LYN: variants seen among roughly 807,000 people sequenced by gnomAD.
LYN encodes the protein tyrosine-protein kinase Lyn.
A neutral mutation model predicts 65.0 loss-of-function variants in LYN; 12 were observed. The ratio of observed to expected loss-of-function variants is 0.18; its 90% confidence interval spans 0.12 to 0.30. The LOEUF (loss-of-function observed/expected upper bound fraction) is 0.30. Ranked by LOEUF, LYN falls within the 10% of genes least tolerant of loss-of-function variation. LYN has a pLI of 1.00. For missense variants in LYN, 380 were observed against 623.2 expected, an observed-to-expected ratio of 0.61 and a Z score of 4.16; for synonymous variants, 222 against 221.2, an observed-to-expected ratio of 1.00 and a Z score of -0.03.
At chr8:55,988,295 T>C (rs1344324156) in intron 10 of LYN, among the ~76,000 whole-genome samples, 1 of 147,096 alleles carries the variant, frequency 6.8e-6, no homozygotes, top group East Asian at 2.0e-4. Context: ...CTCCCTGGTG[T>C]GTGTGTGTGT....
At chr8:55,889,251 C>T (rs536494931) in intron 1 of LYN, among the ~76,000 whole-genome samples, 1 of 152,200 alleles carries the variant, frequency 6.6e-6, no homozygotes, top group African/African-American at 2.4e-5. Context: ...CAGGCTGTAA[C>T]CCCAGGCAGG....
intron 8 of LYN, among the ~76,000 whole-genome samples, chr8:55,959,440 A>G (rs1189840930): frequency 6.6e-6 from 1 of 152,214 alleles, no homozygotes; most frequent in African/African-American, 2.4e-5. Flanking sequence ...ATAACAATTG[A>G]AAGAAATTGT....
chr8:55,896,972 T>G (rs1805126282), intron 1 of LYN, among the ~76,000 whole-genome samples: 1 of 152,198 alleles, frequency 6.6e-6, no homozygotes, highest in Admixed American at 6.5e-5. Context: ...ACTCCTGACC[T>G]TAGGTGATCC....
intron 1 of LYN, among the ~76,000 whole-genome samples, chr8:55,888,905 C>G (rs1248206877): frequency 6.6e-6 from 1 of 152,132 alleles, no homozygotes; most frequent in African/African-American, 2.4e-5. Flanking sequence ...AATGCGGCAC[C>G]ATAGCAGTTG....
intron 2 of LYN, among the ~76,000 whole-genome samples, chr8:55,942,333 A>ATATATATATGTG (rs751243342): frequency 1.4e-3 from 181 of 127,396 alleles, no homozygotes; most frequent in Admixed American, 2.4e-3. Flanking sequence ...ATATATGTGT[A>ATATATATATGTG]TATATATATG....
chr8:55,933,104 A>G (rs1202187932), intron 1 of LYN, among the ~76,000 whole-genome samples: 1 of 152,202 alleles, frequency 6.6e-6, no homozygotes, highest in African/African-American at 2.4e-5. Flanking sequence ...GTATTCCTGA[A>G]CCTAAAATAA....
intron 1 of LYN, among the ~76,000 whole-genome samples, chr8:55,907,360 A>G (rs75501935): frequency 1.9e-3 from 287 of 152,322 alleles, no homozygotes; most frequent in African/African-American, 6.4e-3. Context: ...AATAAGTCAA[A>G]CAGATAAGAA....
chr8:55,952,977 G>A (rs559300487), intron 7 of LYN, among the ~76,000 whole-genome samples: 29 of 152,218 alleles, frequency 1.9e-4, no homozygotes, highest in East Asian at 5.8e-4. Context: ...TTGTTGCCCC[G>A]GCTCCTTTCT....
At chr8:55,948,557 G>T (rs1285506825) in intron 4 of LYN, among the ~76,000 whole-genome samples, 2 of 152,184 alleles carry the variant, frequency 1.3e-5, no homozygotes, top group East Asian at 1.9e-4. Flanking sequence ...CCATAGGCAT[G>T]CAGGACAGTG....
At chr8:55,969,513 A>G (rs1321931575) in intron 9 of LYN, among the ~76,000 whole-genome samples, 2 of 152,230 alleles carry the variant, frequency 1.3e-5, no homozygotes, top group Non-Finnish European at 2.9e-5. Flanking sequence ...AGCACATGCC[A>G]TGTTTCACAT....
At chr8:55,896,889 G>T (rs1805122568) in intron 1 of LYN, among the ~76,000 whole-genome samples, 2 of 152,022 alleles carry the variant, frequency 1.3e-5, no homozygotes, top group South Asian at 4.1e-4. Context: ...ACAGGTGCCC[G>T]CCATCACCCC....
intron 10 of LYN, among the ~76,000 whole-genome samples, chr8:55,973,900 G>A (rs1413566282): frequency 6.6e-6 from 1 of 152,200 alleles, no homozygotes. Flanking sequence ...GGACAATGTG[G>A]CAAGAATCTG....
rs186278969 is a variant in LYN, at chr8:55,907,698, T to C, written c.-6+27595T>C. Among the ~76,000 whole-genome samples, 6 of 152,046 alleles carry C rather than the reference T, an allele frequency of 3.9e-5. No homozygotes were observed. In the East Asian group the frequency reaches 1.2e-3, roughly 29 times the overall value. On this transcript the variant is annotated intron_variant, in intron 1 of 12. Coordinates refer to ENST00000519728, the MANE Select transcript of LYN (RefSeq NM_002350.4). ...CCTAGGCAACATAGGGAGACCCTGT[T>C]TCTACAAAAATAAAAAAATTAACAG...
At chr8:55,942,333 A>G (rs1228172536) in intron 2 of LYN, among the ~76,000 whole-genome samples, 3 of 128,082 alleles carry the variant, frequency 2.3e-5, no homozygotes, top group South Asian at 2.3e-4. Context: ...ATATATGTGT[A>G]TATATATATG....
intron 10 of LYN, among the ~76,000 whole-genome samples, chr8:55,985,415 C>G (rs1031794297): frequency 6.6e-6 from 1 of 152,138 alleles, no homozygotes; most frequent in African/African-American, 2.4e-5. Flanking sequence ...TGAAAACGCA[C>G]TTCAAAGGGG....
In LYN at chr8:56,014,089, C is replaced by G. The variant is rs967420162; in HGVS notation, c.*3979C>G. 6.6e-6 allele frequency: 1 copy of G among 152,186 alleles called. No homozygotes were observed. Among genetic ancestry groups the G allele is most frequent in the Non-Finnish European group, 1.5e-5 (1 of 68,042 alleles). The allele number at this position is 152,186 out of a possible 1,614,324, so 9.4% of individuals were successfully genotyped here. ...TATCACTATTTCACAGCTGAGAGAT[C>G]GGGAGCATTTAAAGCCACAGAAGGA... On this transcript the variant is annotated 3_prime_UTR_variant, in exon 13 of 13. Transcript: ENST00000519728.
At chr8:55,962,244 G>T (rs1035340991) in intron 8 of LYN, among the ~76,000 whole-genome samples, 11 of 152,018 alleles carry the variant, frequency 7.2e-5, no homozygotes, top group African/African-American at 2.7e-4. Flanking sequence ...TTTGGGTGTG[G>T]CTACGGTTCA....
At chr8:55,981,097 T>C (rs1005399296) in intron 10 of LYN, among the ~76,000 whole-genome samples, 1 of 152,312 alleles carries the variant, frequency 6.6e-6, no homozygotes, top group South Asian at 2.1e-4. Flanking sequence ...TCCTCAGCAC[T>C]GAGCCCACCA....
At chr8:55,942,219 T>C (rs1806631176) in intron 2 of LYN, among the ~76,000 whole-genome samples, 4 of 151,468 alleles carry the variant, frequency 2.6e-5, no homozygotes, top group Admixed American at 2.0e-4. Flanking sequence ...TCACATTCTT[T>C]TGTGTGAAGA....
Sources: gnomAD v4.1 joint callset for allele counts (sites outside exome capture counted in the v4.1 genomes callset) on GRCh38, gnomAD v4.1.1 for gene constraint, MANE v1.5 for transcripts, NCBI Gene and HGNC (gene_info 2026-07-23, HGNC 2026-07-21) for gene names.